The following TRIM4 variants were observed in gnomAD, a reference collection of about 807,000 sequenced individuals.
TRIM4 encodes the protein tripartite motif containing 4.
TRIM4 carries 29 observed loss-of-function variants against 33.7 expected under a neutral mutation model. The ratio of observed to expected loss-of-function variants is 0.86; its 90% CI spans 0.64 to 1.17. TRIM4 has a LOEUF of 1.17. Among genes scored for constraint, TRIM4 ranks in the 50% most tolerant of loss-of-function variants. TRIM4 has a pLI of 0.00. For missense variants in TRIM4, 554 were observed against 593.7 expected, an observed-to-expected ratio of 0.93 and a Z score of 0.69; for synonymous variants, 224 against 233.0, an observed-to-expected ratio of 0.96 and a Z score of 0.35.
chr7:99,908,823 A>G lies in TRIM4; in HGVS notation c.490-11T>C. The G allele has an allele frequency of 5.6e-6, 9 of 1,610,308 alleles. No individual in the cohort carries two copies. Among genetic ancestry groups the G allele is most frequent in the South Asian group, 1.1e-5 (1 of 90,776 alleles). ...ACTCTTTATCTTATCCTAAGGCCACATGAGATTTGCTCACTCCTTTTTCTG... is the reference window on the plus strand; with the variant it reads ...ACTCTTTATCTTATCCTAAGGCCACGTGAGATTTGCTCACTCCTTTTTCTG... On this transcript the variant is annotated splice_polypyrimidine_tract_variant and intron_variant, in intron 2 of 5. Transcript: ENST00000349062.
At chr7:99,910,019 A>C (rs1312379371) in intron 1 of TRIM4, among the ~76,000 whole-genome samples, 1 of 151,678 alleles carries the variant, frequency 6.6e-6, no homozygotes, top group Admixed American at 6.6e-5. Context: ...GCCATGAGCC[A>C]CCACGCCTGG....
At chr7:99,897,476 T>G (rs1295332526) in intron 5 of TRIM4, among the ~76,000 whole-genome samples, 1 of 152,164 alleles carries the variant, frequency 6.6e-6, no homozygotes, top group Non-Finnish European at 1.5e-5. Context: ...AGGTGATGAA[T>G]ATGCTAATTA....
intron 1 of TRIM4, among the ~76,000 whole-genome samples, chr7:99,913,593 C>G (rs1032088283): frequency 1.3e-5 from 2 of 152,088 alleles, no homozygotes; most frequent in Non-Finnish European, 2.9e-5. Context: ...ATCGCTTGAA[C>G]CCGGGAGGTG....
intron 5 of TRIM4, 105 bp downstream of exon 5, chr7:99,903,113 C>G (rs751045462): frequency 6.1e-6 from 5 of 820,582 alleles, no homozygotes; most frequent in Non-Finnish European, 7.8e-6. Flanking sequence ...TTTCCTGACA[C>G]TCTATTAGCT....
Position 99,892,438 on chromosome 7 carries a change from T to C in TRIM4, c.1150A>G (p.Met384Val). 6.2e-7 allele frequency: 1 copy of C among 1,614,076 alleles called. No individual in the cohort carries two copies. Reference sequence around the variant, plus strand: ...GCCCAGATGCCCACATCTGGGGACATTTTTGAACGATCAGTAATTCCCATG... The same window carrying C: ...GCCCAGATGCCCACATCTGGGGACACTTTTGAACGATCAGTAATTCCCATG... The part of the protein sequence containing the change: ...DVMGITDRSK[M>V]SPDVGIWAIY... Residue 384 changes from methionine to valine, a missense_variant, in exon 6 of 6, where the codon ATG becomes GTG. Met to Val is a conservative substitution (Grantham distance 21). Around this residue, in one of 3 missense-constraint regions of TRIM4, gnomAD observed 290 missense variants for 335.8 expected, o/e 0.86. Transcript: ENST00000349062.
intron 3 of TRIM4, among the ~76,000 whole-genome samples, chr7:99,904,835 C>T (rs1414791081): frequency 6.6e-6 from 1 of 151,880 alleles, no homozygotes; most frequent in African/African-American, 2.4e-5. Context: ...AGTTCAAGAC[C>T]AGCCTGGCCA....
rs1003890085 is a variant in TRIM4 at position 99,899,772 on chromosome 7, G to A, written c.841+3446C>T. Reference sequence around the variant, plus strand: ...GGTGGGTGGGTGTGTGTGCGCACACGTGCATGCATGCACCTGTGAGTTTTC... The same window carrying A: ...GGTGGGTGGGTGTGTGTGCGCACACATGCATGCATGCACCTGTGAGTTTTC... On this transcript the variant is annotated intron_variant, in intron 5 of 5. Transcript: ENST00000349062. Among the ~76,000 whole-genome samples, 4 of 152,252 alleles carry A rather than the reference G, an allele frequency of 2.6e-5. No homozygotes were observed. In the South Asian group the frequency reaches 6.2e-4, roughly 24 times the overall value.
chr7:99,910,776 TAAAAAATA>T (rs1179683430), intron 1 of TRIM4, among the ~76,000 whole-genome samples: 1 of 152,142 alleles, frequency 6.6e-6, no homozygotes, highest in Non-Finnish European at 1.5e-5. Flanking sequence ...AGTAAGTTAT[TAAAAAATA>T]AAGCAAGTCA....
intron 1 of TRIM4, among the ~76,000 whole-genome samples, chr7:99,914,286 T>C (rs1476227090): frequency 4.6e-5 from 7 of 152,214 alleles, no homozygotes; most frequent in Non-Finnish European, 7.3e-5. Flanking sequence ...GCCTCCCGAA[T>C]AGCTGGGACT....
intron 1 of TRIM4, among the ~76,000 whole-genome samples, chr7:99,913,670 C>CAAAT (rs57799977): frequency 0.37 from 55,189 of 148,474 alleles, 11,064 homozygotes; most frequent in Non-Finnish European, 0.45. Flanking sequence ...GACTCCATCT[C>CAAAT]AAATAAATAA....
chr7:99,906,993 A>G (rs1467059963), intron 3 of TRIM4, among the ~76,000 whole-genome samples: 1 of 152,252 alleles, frequency 6.6e-6, no homozygotes, highest in Non-Finnish European at 1.5e-5. Flanking sequence ...TGGAAGATGT[A>G]CATTAGAAGT....
At chr7:99,915,233 C>A (rs987311723) in intron 1 of TRIM4, among the ~76,000 whole-genome samples, 4 of 152,232 alleles carry the variant, frequency 2.6e-5, no homozygotes, top group African/African-American at 9.6e-5. Context: ...CCATGGAAAG[C>A]CTTTACCTGT....
chr7:99,918,688 T>C (rs1819617898), intron 1 of TRIM4, among the ~76,000 whole-genome samples: 1 of 152,206 alleles, frequency 6.6e-6, no homozygotes, highest in South Asian at 2.1e-4. Context: ...ACCAGAAAGA[T>C]TTTAAATTAC....
chr7:99,910,564 C>A (rs573394948), intron 1 of TRIM4, among the ~76,000 whole-genome samples: 3 of 152,108 alleles, frequency 2.0e-5, no homozygotes, highest in Non-Finnish European at 4.4e-5. Flanking sequence ...CGTGTCTATG[C>A]GCATACGTGT....
chr7:99,899,898 C>G (rs1483885845), intron 5 of TRIM4, among the ~76,000 whole-genome samples: 1 of 152,174 alleles, frequency 6.6e-6, no homozygotes, highest in East Asian at 1.9e-4. Context: ...TTAAGCCATC[C>G]TCCCGCCGTG....
Position 99,903,585 on chromosome 7 carries a change from A to G in TRIM4, c.734T>C (p.Val245Ala), listed in dbSNP as rs139038907. The G allele has an allele frequency of 6.2e-7, 1 of 1,614,124 alleles. No homozygotes were observed. The highest frequency in any genetic ancestry group is 1.1e-5 in the South Asian group (1 of 91,074). The change falls in exon 4 of 6, where the codon GTG (valine) becomes GCG (alanine). Residue 245 changes from valine to alanine, a missense_variant. Physicochemically the swap from Val to Ala is moderately conservative, Grantham distance 64 (BLOSUM62 0). Around this residue, in one of 3 missense-constraint regions of TRIM4, gnomAD observed 290 missense variants for 335.8 expected, o/e 0.86. Transcript: ENST00000349062. The part of the protein sequence containing the change: ...TLELLQNPKE[V>A]LTRSEIQDVN... ...GAACAGGAGTGCATACCTGGTCAAC[A>G]CTTCTTTTGGATTCTGTGAAAAGAA...
chr7:99,898,637 G>A (rs1306276993), intron 5 of TRIM4, among the ~76,000 whole-genome samples: 2 of 152,172 alleles, frequency 1.3e-5, no homozygotes, highest in Non-Finnish European at 2.9e-5. Flanking sequence ...GTGCATTCTG[G>A]AGTTGCAATT....
At chr7:99,918,955 C>G in intron 1 of TRIM4, 54 bp downstream of exon 1, 1 of 1,530,930 alleles carries the variant, frequency 6.5e-7, no homozygotes, top group East Asian at 2.6e-5. Flanking sequence ...ATTAAGTAAA[C>G]TTTATCGGGC....
intron 5 of TRIM4, chr7:99,901,860 C>T (rs1028226950): frequency 2.0e-6 from 1 of 498,628 alleles, no homozygotes; most frequent in East Asian, 3.3e-5. Flanking sequence ...CCATAGATGG[C>T]GAGGGTTCTC....
Sources: gnomAD v4.1 joint callset for allele counts (sites outside exome capture counted in the v4.1 genomes callset) on GRCh38, gnomAD v4.1.1 for gene constraint, gnomAD v4.1.1 regional missense constraint, MANE v1.5 for transcripts, NCBI Gene and HGNC (gene_info 2026-07-23, HGNC 2026-07-21) for gene names.